ASAP1: variants seen among roughly 807,000 people sequenced by gnomAD.
ASAP1 encodes ArfGAP with SH3 domain, ankyrin repeat and PH domain 1, also known as arf-GAP with SH3 domain, ANK repeat and PH domain-containing protein 1.
Under a neutral mutation model 145.2 loss-of-function variants are expected in ASAP1, and 43 were observed. The ratio of observed to expected loss-of-function variants is 0.30; its 90% CI spans 0.23 to 0.38. The LOEUF is 0.38. Among genes scored for constraint, ASAP1 ranks in the 10% least tolerant of loss-of-function variants. ASAP1 has a pLI of 1.00. For synonymous variants in ASAP1, 546 were observed against 515.5 expected, an observed-to-expected ratio of 1.06 and a Z score of -0.80; for missense variants, 1,018 against 1,355.3, an observed-to-expected ratio of 0.75 and a Z score of 3.91.
At chr8:130,062,608 T>G (rs1375644711) in intron 27 of ASAP1, among the ~76,000 whole-genome samples, 3 of 152,182 alleles carry the variant, frequency 2.0e-5, no homozygotes, top group Non-Finnish European at 4.4e-5. Flanking sequence ...TGAGTCACAC[T>G]GATGGGGCAA....
rs947381906 is a variant in ASAP1 at position 130,213,297 on chromosome 8, T to C, written c.405+1259A>G. Reference sequence around the variant, plus strand: ...TATTCGCTGTGTAAGATTAATTCAATGGCATACATCGCCAATTAGAAAAAC... The same window carrying C: ...TATTCGCTGTGTAAGATTAATTCAACGGCATACATCGCCAATTAGAAAAAC... On this transcript the variant is annotated intron_variant, in intron 5 of 29. Transcript: ENST00000518721. 1.4e-4 allele frequency among the ~76,000 whole-genome samples: 22 copies of C among 152,366 alleles called. 1 individual carries two copies. Among genetic ancestry groups the C allele is most frequent in the African/African-American group, 5.3e-4 (22 of 41,588 alleles).
intron 18 of ASAP1, among the ~76,000 whole-genome samples, chr8:130,121,628 C>CA (rs2097566035): frequency 6.6e-6 from 1 of 151,506 alleles, no homozygotes; most frequent in African/African-American, 2.4e-5. Context: ...ACTAAAAATA[C>CA]AAAAAACTAG....
At chr8:130,175,010 C>T (rs1813855189) in intron 9 of ASAP1, among the ~76,000 whole-genome samples, 1 of 152,144 alleles carries the variant, frequency 6.6e-6, no homozygotes, top group African/African-American at 2.4e-5. Context: ...GTGAGAAATT[C>T]CCAAACTGTT....
chr8:130,438,769 G>C (rs1278846290), intron 1 of ASAP1, among the ~76,000 whole-genome samples: 1 of 152,190 alleles, frequency 6.6e-6, no homozygotes, highest in Non-Finnish European at 1.5e-5. Flanking sequence ...ACAGAGAAGA[G>C]CTCTGACGAA....
intron 4 of ASAP1, among the ~76,000 whole-genome samples, chr8:130,228,441 G>A (rs78693697): frequency 5.4e-4 from 82 of 152,158 alleles, no homozygotes; most frequent in East Asian, 3.3e-3. Context: ...AGTGGCTTAC[G>A]CTGGTAATCA....
intron 5 of ASAP1, among the ~76,000 whole-genome samples, chr8:130,210,068 T>A (rs1325513196): frequency 6.6e-6 from 1 of 152,200 alleles, no homozygotes; most frequent in African/African-American, 2.4e-5. Flanking sequence ...TTATGAAGTT[T>A]TTATGTAGTA....
In ASAP1 at chr8:130,072,830, C is replaced by CGCGCGCGCGCGCGT. The variant is rs1448184178; in HGVS notation, c.2701+3517_2701+3518insACGCGCGCGCGCGC. ...GTGTGTGTGTGTGTGTGTGTGCGCGCGGGGGGGGGCAGTTTTGGGGACTGA... is the reference window on the plus strand; with the variant it reads ...GTGTGTGTGTGTGTGTGTGTGCGCGCGCGCGCGCGCGCGTGGGGGGGGGCAGTTTTGGGGACTGA... On this transcript the variant is annotated intron_variant, in intron 27 of 29. Transcript: ENST00000518721. 2.5e-4 allele frequency among the ~76,000 whole-genome samples: 8 copies of CGCGCGCGCGCGCGT among 31,922 alleles called. 1 individual carries two copies. Among genetic ancestry groups the CGCGCGCGCGCGCGT allele is most frequent in the Admixed American group, 3.5e-4 (1 of 2,858 alleles). 20.9% of individuals were successfully genotyped at this position (31,922 alleles called of 152,430 possible). A position where few individuals can be genotyped will look rare whatever the true frequency, so the allele number is the denominator to read the frequency against.
intron 3 of ASAP1, among the ~76,000 whole-genome samples, chr8:130,252,556 T>C (rs1819264816): frequency 1.3e-5 from 2 of 152,204 alleles, no homozygotes; most frequent in African/African-American, 4.8e-5. Flanking sequence ...AATCTCCATG[T>C]TGCCTTGTGA....
intron 13 of ASAP1, among the ~76,000 whole-genome samples, chr8:130,138,836 CAAAAA>C (rs754901058): frequency 1.2e-5 from 1 of 81,428 alleles, no homozygotes. Flanking sequence ...AACTCCGTCT[CAAAAA>C]AAAAAAAAAA....
chr8:130,243,548 C>G (rs1432409785), intron 3 of ASAP1, among the ~76,000 whole-genome samples: 1 of 152,134 alleles, frequency 6.6e-6, no homozygotes, highest in Non-Finnish European at 1.5e-5. Context: ...GTGACCCAGC[C>G]TTCTGCCCTC....
At chr8:130,107,961 T>C (rs2135551671) in intron 24 of ASAP1, among the ~76,000 whole-genome samples, 1 of 152,354 alleles carries the variant, frequency 6.6e-6, no homozygotes, top group Non-Finnish European at 1.5e-5. Context: ...TGGTCTGGCT[T>C]GACACAGACT....
intron 3 of ASAP1, among the ~76,000 whole-genome samples, chr8:130,246,326 G>C (rs1363324800): frequency 6.6e-6 from 1 of 152,176 alleles, no homozygotes; most frequent in Admixed American, 6.5e-5. Context: ...AATGTGTACA[G>C]AGAAAGGAAA....
chr8:130,407,799 GT>G (rs1829100511), intron 1 of ASAP1, among the ~76,000 whole-genome samples: 2 of 152,166 alleles, frequency 1.3e-5, no homozygotes, highest in Admixed American at 6.5e-5. Context: ...TCAAATAGGT[GT>G]TTTTTATTCA....
chr8:130,104,068 G>A (rs2097533121), intron 24 of ASAP1, among the ~76,000 whole-genome samples: 1 of 152,108 alleles, frequency 6.6e-6, no homozygotes, highest in African/African-American at 2.4e-5. Flanking sequence ...CAGACTGTGT[G>A]CATCCATAGG....
chr8:130,230,184 C>T (rs1271657651), intron 4 of ASAP1, among the ~76,000 whole-genome samples: 1 of 152,046 alleles, frequency 6.6e-6, no homozygotes, highest in Non-Finnish European at 1.5e-5. Flanking sequence ...GATGTACATT[C>T]CCCAAAGATA....
chr8:130,401,127 C>T (rs1828777965), intron 2 of ASAP1, among the ~76,000 whole-genome samples: 1 of 152,134 alleles, frequency 6.6e-6, no homozygotes, highest in African/African-American at 2.4e-5. Flanking sequence ...GGTGATTCTC[C>T]CGCCTCGGCC....
chr8:130,126,992 G>T (rs569919067), intron 16 of ASAP1, among the ~76,000 whole-genome samples: 22 of 152,234 alleles, frequency 1.4e-4, no homozygotes, highest in African/African-American at 4.6e-4. Context: ...TGCTCACAGG[G>T]GTTCTGCAAG....
chr8:130,195,229 A>G (rs1815400082), intron 5 of ASAP1: 1 of 152,072 alleles, frequency 6.6e-6, no homozygotes, highest in East Asian at 1.9e-4. Context: ...TTATTAAGCA[A>G]ACAACACATT....
At chr8:130,323,156 T>A (rs1330453398) in intron 3 of ASAP1, among the ~76,000 whole-genome samples, 1 of 152,184 alleles carries the variant, frequency 6.6e-6, no homozygotes, top group South Asian at 2.1e-4. Flanking sequence ...GATGGCATGG[T>A]AGTATTAAGA....
Sources: allele counts gnomAD v4.1 joint callset (sites outside exome capture counted in the v4.1 genomes callset), GRCh38; gene constraint gnomAD v4.1.1; transcripts MANE v1.5; gene names NCBI Gene and HGNC (gene_info 2026-07-23, HGNC 2026-07-21).